The following MAGI3 variants were observed in gnomAD, a reference collection of about 807,000 sequenced individuals.
MAGI3 encodes the protein membrane-associated guanylate kinase, WW and PDZ domain-containing protein 3.
MAGI3 carries 43 observed loss-of-function variants against 121.8 expected under a neutral mutation model. The observed-to-expected ratio is 0.35, with a 90% CI of 0.28 to 0.46. The LOEUF (loss-of-function observed/expected upper bound fraction) is 0.46, where lower values mean the gene tolerates loss of function less well. MAGI3 is among the 20% of genes least tolerant of loss of function. The pLI, the probability that MAGI3 is intolerant of heterozygous loss-of-function variation, is 1.00. For missense variants in MAGI3, 1,547 were observed against 1,797.3 expected, an observed-to-expected ratio of 0.86 and a Z score of 2.52; for synonymous variants, 553 against 639.3, an observed-to-expected ratio of 0.86 and a Z score of 2.04.
intron 1 of MAGI3, among the ~76,000 whole-genome samples, chr1:113,426,558 A>G (rs1479048431): frequency 1.3e-5 from 2 of 152,014 alleles, no homozygotes; most frequent in African/African-American, 2.4e-5. Context: ...TGCTTCGTGT[A>G]TTTTGAGGCT....
chr1:113,595,464 A>C (rs1025963938), intron 6 of MAGI3, among the ~76,000 whole-genome samples: 1 of 152,210 alleles, frequency 6.6e-6, no homozygotes, highest in East Asian at 1.9e-4. Flanking sequence ...ATTGGTTTTA[A>C]AAAATAAGTG....
chr1:113,643,834 C>T, intron 11 of MAGI3, 60 bp downstream of exon 11: 1 of 1,496,256 alleles, frequency 6.7e-7, no homozygotes, highest in Non-Finnish European at 9.3e-7. Flanking sequence ...TGCCACATTC[C>T]CCTCTGTAAG....
chr1:113,518,346 A>G (rs987314935), intron 1 of MAGI3, among the ~76,000 whole-genome samples: 1 of 151,964 alleles, frequency 6.6e-6, no homozygotes. Context: ...GATGTTTTTT[A>G]TTTATATTAG....
At chr1:113,593,513 A>C (rs1453082835) in intron 5 of MAGI3, among the ~76,000 whole-genome samples, 5 of 152,178 alleles carry the variant, frequency 3.3e-5, no homozygotes, top group Admixed American at 3.3e-4. Context: ...ACTGCACTCC[A>C]ACCTGTGCAA....
intron 1 of MAGI3, among the ~76,000 whole-genome samples, chr1:113,464,829 G>A (rs143993265): frequency 3.2e-4 from 48 of 152,132 alleles, no homozygotes; most frequent in African/African-American, 9.6e-4. Flanking sequence ...TCTTTTGCCC[G>A]TTTTTAAATC....
intron 11 of MAGI3, among the ~76,000 whole-genome samples, chr1:113,645,022 CTTT>C (rs10548467): frequency 6.1e-4 from 64 of 104,312 alleles, no homozygotes; most frequent in African/African-American, 7.1e-4. Context: ...AGCTTCTGGC[CTTT>C]TTTTTTTTTT....
rs1425304142 is a variant in MAGI3 at position 113,619,815 on chromosome 1, G to T, written c.1156G>T (p.Gly386Trp). 6 of 1,610,824 alleles carry T rather than the reference G, an allele frequency of 3.7e-6. No homozygotes were observed. The highest frequency in any genetic ancestry group is 3.3e-5 in the South Asian group (3 of 90,530). The stretch of plus-strand genomic sequence containing the variant: ...AAAGCAGTTAGGACAGGTTGAAATT[G>T]GGTCTTCAAAACCAGGTAAGCATTC... ...RKKQLGQVEI[G>W]SSKPDMEKSH... The change falls in exon 8 of 21, where the codon GGG becomes TGG. Residue 386 changes from glycine to tryptophan, a missense_variant. By Grantham distance (184) the Gly-to-Trp change is radical (BLOSUM62 -2). Coordinates refer to ENST00000307546, the MANE Select transcript of MAGI3 (RefSeq NM_001142782.2).
intron 1 of MAGI3, among the ~76,000 whole-genome samples, chr1:113,467,268 T>A (rs1230931695): frequency 2.0e-5 from 3 of 152,170 alleles, no homozygotes; most frequent in African/African-American, 7.2e-5. Flanking sequence ...TTCCTCTTGT[T>A]ATTGATTTTT....
intron 1 of MAGI3, among the ~76,000 whole-genome samples, chr1:113,464,545 C>G (rs1242501994): frequency 6.6e-6 from 1 of 152,056 alleles, no homozygotes; most frequent in African/African-American, 2.4e-5. Flanking sequence ...TATGGTAGTT[C>G]TATTTTTTAT....
chr1:113,427,173 C>G (rs1653054910), intron 1 of MAGI3, among the ~76,000 whole-genome samples: 1 of 152,138 alleles, frequency 6.6e-6, no homozygotes, highest in Admixed American at 6.5e-5. Flanking sequence ...ACTGGGGCTC[C>G]CATGGTTCCC....
Position 113,437,804 on chromosome 1 carries a change from CTTT to C in MAGI3, c.316+46457_316+46459del, listed in dbSNP as rs1300581730. 1.5e-3 allele frequency among the ~76,000 whole-genome samples: 211 copies of C among 137,052 alleles called. 2 individuals are homozygous for C. Among genetic ancestry groups the C allele is most frequent in the Admixed American group, 8.0e-3 (106 of 13,320 alleles). 89.9% of individuals were successfully genotyped at this position (137,052 alleles called of 152,430 possible). A position where few individuals can be genotyped will look rare whatever the true frequency, so the allele number is the denominator to read the frequency against. On this transcript the variant is annotated intron_variant, in intron 1 of 20. Transcript: ENST00000307546. Reference sequence around the variant, plus strand: ...TTCTTCTTCTTCCTTCTTCTTTCTTCTTTTCTTCTTCTTCTTCTTCTTCTTCTT... The same window carrying C: ...TTCTTCTTCTTCCTTCTTCTTTCTTCTCTTCTTCTTCTTCTTCTTCTTCTT...
intron 1 of MAGI3, among the ~76,000 whole-genome samples, chr1:113,417,396 A>G (rs1379155478): frequency 6.6e-6 from 1 of 151,996 alleles, no homozygotes; most frequent in Non-Finnish European, 1.5e-5. Context: ...TGGGGACCAC[A>G]TTTATTGATT....
At chr1:113,458,723 T>G (rs991977791) in intron 1 of MAGI3, among the ~76,000 whole-genome samples, 3 of 152,154 alleles carry the variant, frequency 2.0e-5, no homozygotes, top group Non-Finnish European at 4.4e-5. Context: ...GGTCTTACTA[T>G]GTTGCCTAGG....
intron 16 of MAGI3, among the ~76,000 whole-genome samples, chr1:113,667,925 C>T (rs1406758783): frequency 1.3e-5 from 2 of 152,080 alleles, no homozygotes; most frequent in Non-Finnish European, 2.9e-5. Flanking sequence ...ACATATTTAT[C>T]GATTATGTTT....
chr1:113,607,812 A>G (rs967149526), intron 6 of MAGI3, among the ~76,000 whole-genome samples: 15 of 152,138 alleles, frequency 9.9e-5, no homozygotes, highest in African/African-American at 3.6e-4. Context: ...TCAGCAGAGT[A>G]AAGTCCAGAC....
rs1166160702 is a variant in MAGI3, at chr1:113,651,016, A to G, written c.2250A>G (p.Ile750Met). ...VLGGDGPDQSIYIGAIIPLGA... is the reference protein window; with the variant it reads ...VLGGDGPDQSMYIGAIIPLGA... ...ACTGTACTTTGTTATCTTATCAGAT[A>G]TATATTGGGGCTATTATTCCCCTGG... The change falls in exon 14 of 21, where the codon ATA becomes ATG. Residue 750 changes from isoleucine to methionine, a missense_variant and splice_region_variant. Physicochemically the swap from Ile to Met is conservative, Grantham distance 10 (BLOSUM62 1). Coordinates refer to ENST00000307546, the MANE Select transcript of MAGI3 (RefSeq NM_001142782.2). 2.2e-5 allele frequency: 35 copies of G among 1,613,260 alleles called. No homozygotes were observed. Among genetic ancestry groups the G allele is most frequent in the Admixed American group, 5.0e-5 (3 of 59,834 alleles).
chr1:113,462,644 G>T (rs1655090078), intron 1 of MAGI3, among the ~76,000 whole-genome samples: 1 of 152,002 alleles, frequency 6.6e-6, no homozygotes, highest in African/African-American at 2.4e-5. Context: ...ATGTACAACA[G>T]ACCCCCTTGA....
Position 113,653,921 on chromosome 1 carries a change from T to A in MAGI3, c.2532T>A (p.Pro844=), listed in dbSNP as rs1171647048. ...ACCGGGCAGAGGTCCCAGCCAGGCC[T>A]GCACCCCAGGAGCCCTATGATGTTG... ...RLNRAEVPAR[P]APQEPYDVVL... The change falls in exon 15 of 21, where the codon CCT becomes CCA. Residue 844 remains proline (P), a synonymous_variant. Coordinates refer to ENST00000307546, the MANE Select transcript of MAGI3 (RefSeq NM_001142782.2). 6.2e-7 allele frequency: 1 copy of A among 1,614,110 alleles called. No homozygotes were observed. The highest frequency in any genetic ancestry group is 1.7e-5 in the Admixed American group (1 of 60,012).
chr1:113,413,956 T>G (rs1183439306), intron 1 of MAGI3, among the ~76,000 whole-genome samples: 1 of 152,098 alleles, frequency 6.6e-6, no homozygotes, highest in Admixed American at 6.6e-5. Context: ...TGTCTTGTGC[T>G]GGTTTTCAAA....
Sources: gnomAD v4.1 joint callset for allele counts (sites outside exome capture counted in the v4.1 genomes callset) on GRCh38, gnomAD v4.1.1 for gene constraint, MANE v1.5 for transcripts, NCBI Gene and HGNC (gene_info 2026-07-23, HGNC 2026-07-21) for gene names.